Variants in GPR183 observed in about 807,000 individuals in gnomAD.
GPR183 encodes the protein EBV-induced G-protein coupled receptor 2.
GPR183 carries 9 observed loss-of-function variants against 19.7 expected under a neutral mutation model. That is an observed-to-expected ratio of 0.46 (90% CI 0.28 to 0.80). The LOEUF (loss-of-function observed/expected upper bound fraction) is 0.80. Ranked by LOEUF, GPR183 falls within the 30% of genes least tolerant of loss-of-function variation. GPR183 has a pLI of 0.13. For missense variants in GPR183, 368 were observed against 446.7 expected (o/e 0.82, Z 1.59); for synonymous variants, 160 against 155.1 (o/e 1.03, Z -0.24).
rs918101929 is a variant in GPR183, at chr13:99,294,959, G to A, written c.*101C>T. 4 of 1,338,228 alleles carry A rather than the reference G, an allele frequency of 3.0e-6. No homozygotes were observed. In the African/African-American group the frequency reaches 5.9e-5, roughly 20 times the overall value. 82.9% of individuals were successfully genotyped at this position (1,338,228 alleles called of 1,614,324 possible). ...AGTGCCCAATGAAAGAAATATAAAA[G>A]AATACTAATTGGAAGCTGAACAATT... On this transcript the variant is annotated 3_prime_UTR_variant, in exon 2 of 2. Transcript: ENST00000376414.
chr13:99,296,210 C>CT, intron 1 of GPR183, 47 bp from the exon 2 acceptor site: 3 of 1,446,694 alleles, frequency 2.1e-6, no homozygotes, highest in Non-Finnish European at 1.8e-6. Context: ...CATATGTATT[C>CT]AGTTTGATTA....
Position 99,297,330 on chromosome 13 carries a change from A to G in GPR183, c.-18-1167T>C, listed in dbSNP as rs951653926. ...TGTACATAAATCTCACCTGGAAGTC[A>G]CCAAAATTAAGGGGCACTTTCAGCA... On this transcript the variant is annotated intron_variant, in intron 1 of 1. Coordinates refer to ENST00000376414, the MANE Select transcript of GPR183 (RefSeq NM_004951.5). Among the ~76,000 whole-genome samples the G allele has an allele frequency of 4.1e-4, 62 of 152,182 alleles. 3 individuals are homozygous for G. The highest frequency in any genetic ancestry group is 2.9e-5 in the Non-Finnish European group (2 of 67,992).
intron 1 of GPR183, among the ~76,000 whole-genome samples, chr13:99,302,476 CT>C (rs1288164469): frequency 6.6e-6 from 1 of 152,240 alleles, no homozygotes; most frequent in East Asian, 1.9e-4. Flanking sequence ...TTCATTACTT[CT>C]TCCTCTGGTT....
At chr13:99,296,922 T>C (rs909555543) in intron 1 of GPR183, among the ~76,000 whole-genome samples, 1 of 152,210 alleles carries the variant, frequency 6.6e-6, no homozygotes, top group African/African-American at 2.4e-5. Context: ...CAATCTATAC[T>C]TCTACCTTTG....
chr13:99,305,564 C>T (rs1011745296), intron 1 of GPR183, among the ~76,000 whole-genome samples: 1 of 152,056 alleles, frequency 6.6e-6, no homozygotes, highest in Admixed American at 6.6e-5. Flanking sequence ...CAATAGATAT[C>T]TAGTAAATAT....
chr13:99,295,306 A>G lies in GPR183; in HGVS notation c.840T>C (p.Cys280=), dbSNP rs1488630420. The G allele has an allele frequency of 1.9e-6, 3 of 1,614,178 alleles. No individual in the cohort carries two copies. Among genetic ancestry groups the G allele is most frequent in the African/African-American group, 1.3e-5 (1 of 75,056 alleles). ...AAATCTGGAACGAATGTCTTTGGCT[A>G]CATTCCAGGAAATTAGAGAAACGAA... The part of the protein sequence containing the change: ...KKLRFSNFLE[C]SQRHSFQISL... The change falls in exon 2 of 2, where the codon TGT becomes TGC. Residue 280 remains cysteine, a synonymous_variant. Coordinates refer to ENST00000376414, the MANE Select transcript of GPR183 (RefSeq NM_004951.5). This position sits in a 1 kb window ranked among gnomAD's most constrained non-coding sequence, Gnocchi z 4.1.
At chr13:99,298,353 A>T (rs374897515) in intron 1 of GPR183, among the ~76,000 whole-genome samples, 1 of 152,170 alleles carries the variant, frequency 6.6e-6, no homozygotes, top group Admixed American at 6.5e-5. Context: ...TGATAAAAAG[A>T]TAAAGGATAA....
chr13:99,299,898 C>T (rs776200097), intron 1 of GPR183, among the ~76,000 whole-genome samples: 2 of 152,176 alleles, frequency 1.3e-5, no homozygotes, highest in Non-Finnish European at 2.9e-5. Context: ...TTAAAAGCCA[C>T]GCTGGGCTTA....
chr13:99,297,850 A>G (rs2044199647), intron 1 of GPR183, among the ~76,000 whole-genome samples: 1 of 152,082 alleles, frequency 6.6e-6, no homozygotes, highest in Non-Finnish European at 1.5e-5. Context: ...TAGAAGAGAT[A>G]CAGCTCAAAG....
chr13:99,306,641 G>A (rs1399409788), intron 1 of GPR183, among the ~76,000 whole-genome samples: 1 of 152,010 alleles, frequency 6.6e-6, no homozygotes, highest in Admixed American at 6.6e-5. Flanking sequence ...CATAAATGTT[G>A]CCAAAGCACT....
At position 99,295,605 on chromosome 13, in the gene GPR183, A is replaced by G; in HGVS notation, c.541T>C (p.Cys181Arg). 6.2e-7 allele frequency: 1 copy of G among 1,614,150 alleles called. No homozygotes were observed. The highest frequency in any genetic ancestry group is 8.5e-7 in the Non-Finnish European group (1 of 1,180,026). The change falls in exon 2 of 2, where the codon TGC (cysteine) becomes CGC (arginine). Residue 181 changes from cysteine to arginine, a missense_variant. Coordinates refer to ENST00000376414, the MANE Select transcript of GPR183 (RefSeq NM_004951.5). The surrounding 1 kb of genome is among the most constrained non-coding windows in gnomAD (Gnocchi z 4.1). ...MSKQEAERIT[C>R]MEYPNFEETK... ...TCTTCAAAGTTTGGATACTCCATGC[A>G]TGTAATCCTTTCAGCCTCCTGCTTT...
At position 99,295,726 on chromosome 13, in the gene GPR183, G is replaced by A; in HGVS notation, c.420C>T (p.Asn140=). The A allele has an allele frequency of 6.2e-7, 1 of 1,614,020 alleles. No individual in the cohort carries two copies. The highest frequency in any genetic ancestry group is 8.5e-7 in the Non-Finnish European group (1 of 1,179,974). The change falls in exon 2 of 2, where the codon AAC becomes AAT. Residue 140 remains asparagine, a synonymous_variant. Coordinates refer to ENST00000376414, the MANE Select transcript of GPR183 (RefSeq NM_004951.5). This position sits in a 1 kb window ranked among gnomAD's most constrained non-coding sequence, Gnocchi z 4.1. The stretch of plus-strand genomic sequence containing the variant: ...TTGCATGTTCAATCCTTTTTATCTT[G>A]TTGTAGCGTAGAGGGTGCACCACAG... ...FIAVVHPLRY[N]KIKRIEHAKG... is the part of the protein sequence containing the mutation.
chr13:99,297,808 TA>T (rs752253836), intron 1 of GPR183, among the ~76,000 whole-genome samples: 4,204 of 143,820 alleles, frequency 0.029, 93 homozygotes, highest in African/African-American at 0.064. Context: ...CGGTTTAGAT[TA>T]AAAAAAAAAA....
intron 1 of GPR183, among the ~76,000 whole-genome samples, chr13:99,298,017 AAAG>A (rs2044202200): frequency 6.6e-6 from 1 of 152,166 alleles, no homozygotes; most frequent in South Asian, 2.1e-4. Flanking sequence ...CAAAGGTTAA[AAAG>A]AACAGTCTAC....
At chr13:99,304,692 T>A (rs2044306309) in intron 1 of GPR183, among the ~76,000 whole-genome samples, 1 of 152,298 alleles carries the variant, frequency 6.6e-6, no homozygotes, top group South Asian at 2.1e-4. Flanking sequence ...ACTCATTGAA[T>A]CCTCTCAGAA....
chr13:99,295,472 C>A lies in GPR183; in HGVS notation c.674G>T (p.Arg225Ile). ...AGTGAGTGGGTTTTGTTTGGCAGTT[C>A]TGAAGAGTTTGCAGCAGATCTGAGA... The part of the protein sequence containing the change: ...CYSQICCKLF[R>I]TAKQNPLTEK... The change falls in exon 2 of 2, where the codon AGA (arginine) becomes ATA (isoleucine). Residue 225 changes from arginine to isoleucine, a missense_variant. Transcript: ENST00000376414. This position sits in a 1 kb window ranked among gnomAD's most constrained non-coding sequence, Gnocchi z 4.1. 1 of 1,613,888 alleles carries A rather than the reference C, an allele frequency of 6.2e-7. No homozygotes were observed. The highest frequency in any genetic ancestry group is 8.5e-7 in the Non-Finnish European group (1 of 1,180,006).
chr13:99,299,856 T>C (rs1407296694), intron 1 of GPR183, among the ~76,000 whole-genome samples: 4 of 152,334 alleles, frequency 2.6e-5, no homozygotes, highest in African/African-American at 9.6e-5. Context: ...ATCAATTTTA[T>C]ATTTTGCACA....
intron 1 of GPR183, among the ~76,000 whole-genome samples, chr13:99,298,914 AT>A (rs960223824): frequency 5.9e-5 from 9 of 152,160 alleles, no homozygotes; most frequent in Middle Eastern, 6.8e-3. Context: ...TTGAAAATGT[AT>A]TTTTTTCTAA....
intron 1 of GPR183, among the ~76,000 whole-genome samples, chr13:99,306,335 C>T (rs1416511952): frequency 1.3e-5 from 2 of 152,144 alleles, no homozygotes; most frequent in Admixed American, 6.5e-5. Flanking sequence ...GTTGTAAGGA[C>T]TTGGCAGTAG....
Sources: allele counts gnomAD v4.1 joint callset (sites outside exome capture counted in the v4.1 genomes callset), GRCh38; gene constraint gnomAD v4.1.1; non-coding constraint Gnocchi (gnomAD v3.1); transcripts MANE v1.5; gene names NCBI Gene and HGNC (gene_info 2026-07-23, HGNC 2026-07-21).